Variants in GORASP2 observed in about 807,000 individuals in gnomAD.
The protein encoded by GORASP2 is golgi reassembly stacking protein 2, also known as Golgi reassembly-stacking protein 2.
In GORASP2, 22 loss-of-function variants were observed where a neutral mutation model predicts 45.7. The ratio of observed to expected loss-of-function variants is 0.48; its 90% confidence interval spans 0.34 to 0.69. GORASP2 has a LOEUF of 0.69. Ranked by LOEUF, GORASP2 falls within the 30% of genes least tolerant of loss-of-function variation. The probability of loss-of-function intolerance (pLI) is 0.01; values close to 1 mark genes in which losing one functional copy is unlikely to be tolerated. For synonymous variants in GORASP2, 221 were observed against 215.6 expected, an observed-to-expected ratio of 1.02 and a Z score of -0.22; for missense variants, 491 against 562.7, an observed-to-expected ratio of 0.87 and a Z score of 1.29.
intron 1 of GORASP2, among the ~76,000 whole-genome samples, chr2:170,934,055 A>G (rs1313220853): frequency 3.3e-5 from 5 of 151,984 alleles, no homozygotes; most frequent in Non-Finnish European, 7.4e-5. Flanking sequence ...ATTTTTTTCT[A>G]TTTTGTCAGA....
At chr2:170,929,459 G>T in intron 1 of GORASP2, 56 bp downstream of exon 1, 1 of 1,251,026 alleles carries the variant, frequency 8.0e-7, no homozygotes, top group Non-Finnish European at 1.0e-6. Flanking sequence ...GCCGGCCGCG[G>T]GGAGGCGGAG....
chr2:170,944,244 G>C (rs1704135558), intron 1 of GORASP2, among the ~76,000 whole-genome samples: 1 of 152,062 alleles, frequency 6.6e-6, no homozygotes, highest in Non-Finnish European at 1.5e-5. Flanking sequence ...GTCAGTGTTT[G>C]GTTTGCTATG....
chr2:170,929,896 C>G (rs1321038918), intron 1 of GORASP2: 2 of 403,766 alleles, frequency 5.0e-6, no homozygotes, highest in Admixed American at 5.8e-5. Flanking sequence ...GCCGAGTGGC[C>G]TGAAAGACCA....
At chr2:170,964,194 C>G (rs756264361) in intron 9 of GORASP2, among the ~76,000 whole-genome samples, 2 of 152,154 alleles carry the variant, frequency 1.3e-5, no homozygotes, top group Non-Finnish European at 2.9e-5. Flanking sequence ...TAGGTCATCT[C>G]AGTAGTTTTA....
intron 1 of GORASP2, among the ~76,000 whole-genome samples, chr2:170,930,990 A>C (rs1034684097): frequency 3.5e-5 from 5 of 142,796 alleles, no homozygotes; most frequent in Non-Finnish European, 1.5e-5. Flanking sequence ...AAAAAAAAAA[A>C]GTCGCGTGTT....
chr2:170,957,687 A>G (rs1253269068), intron 7 of GORASP2, among the ~76,000 whole-genome samples: 3 of 152,210 alleles, frequency 2.0e-5, no homozygotes, highest in South Asian at 2.1e-4. Context: ...TTACCATACA[A>G]TTCACCTGCT....
rs186592377 is a variant in GORASP2, at chr2:170,955,985, G to A, written c.700-451G>A. ...GAGAAAATATTAAATGCACTCATGA[G>A]GTTGGAAATCTTGAGAAGTCTATCA... is the stretch of plus-strand genomic sequence containing the variant. On this transcript the variant is annotated intron_variant, in intron 6 of 9. Transcript: ENST00000234160. 6.6e-5 allele frequency among the ~76,000 whole-genome samples: 10 copies of A among 152,346 alleles called. 1 individual carries two copies. Among genetic ancestry groups the A allele is most frequent in the Admixed American group, 5.2e-4 (8 of 15,304 alleles).
intron 4 of GORASP2, among the ~76,000 whole-genome samples, chr2:170,950,499 A>G (rs1423957670): frequency 3.9e-5 from 6 of 152,236 alleles, no homozygotes; most frequent in Non-Finnish European, 2.9e-5. Context: ...CTGTGCGGCA[A>G]TTGCACAGAT....
intron 1 of GORASP2, chr2:170,936,548 T>G (rs1703961134): frequency 1.2e-6 from 1 of 863,782 alleles, no homozygotes; most frequent in Non-Finnish European, 1.7e-6. Flanking sequence ...AGACTGTACA[T>G]TTCCCTGTTG....
rs767096825 is a variant in GORASP2 at position 170,962,982 on chromosome 2, T to C, written c.1018+36T>C. ...GATCTCACCCTCCTAGGACTCTCTC[T>C]AATAAAAGTTTTATTCAGGAATGCC... On this transcript the variant is annotated intron_variant, in intron 9 of 9. Coordinates refer to ENST00000234160, the MANE Select transcript of GORASP2 (RefSeq NM_015530.5). The C allele has an allele frequency of 3.6e-6, 5 of 1,383,906 alleles. No homozygotes were observed. In the Admixed American group the frequency reaches 8.4e-5, roughly 23 times the overall value. 85.7% of individuals were successfully genotyped at this position (1,383,906 alleles called of 1,614,324 possible).
At chr2:170,945,457 A>G (rs1028019036) in intron 1 of GORASP2, among the ~76,000 whole-genome samples, 3 of 146,510 alleles carry the variant, frequency 2.0e-5, no homozygotes, top group African/African-American at 2.5e-5. Flanking sequence ...CTATGGATGC[A>G]CCCCACTCCA....
intron 1 of GORASP2, among the ~76,000 whole-genome samples, chr2:170,943,784 C>T (rs1472588263): frequency 3.9e-5 from 6 of 152,116 alleles, no homozygotes; most frequent in East Asian, 1.9e-4. Context: ...GCAATCCTCC[C>T]GCCTTAGCTT....
At chr2:170,961,461 G>A (rs1165412605) in intron 7 of GORASP2, among the ~76,000 whole-genome samples, 2 of 152,200 alleles carry the variant, frequency 1.3e-5, no homozygotes, top group African/African-American at 4.8e-5. Context: ...ACAGGCTCTG[G>A]TAACAGCCTT....
chr2:170,966,125 CCTTAA>C lies in GORASP2; in HGVS notation c.1358_*3del. On this transcript the variant is annotated frameshift_variant and stop_lost, in exon 10 of 10. Transcript: ENST00000234160. LOFTEE classifies it high-confidence loss of function. Reference sequence around the variant, plus strand: ...TGTGGATGCCAATGCTTCTGAGTCACCTTAACTTTGAACCATTCTTTGGAATTGGC... The same window carrying C: ...TGTGGATGCCAATGCTTCTGAGTCACCTTTGAACCATTCTTTGGAATTGGC... 1 of 1,610,806 alleles carries C rather than the reference CCTTAA, an allele frequency of 6.2e-7. No homozygotes were observed. The highest frequency in any genetic ancestry group is 8.5e-7 in the Non-Finnish European group (1 of 1,176,976).
chr2:170,950,469 G>A (rs1704275065), intron 4 of GORASP2, among the ~76,000 whole-genome samples, 179 bp downstream of exon 4: 1 of 152,196 alleles, frequency 6.6e-6, no homozygotes, highest in South Asian at 2.1e-4. Context: ...ATTAGGTATA[G>A]CTGTGAGGAA....
At chr2:170,934,116 T>C (rs1703889101) in intron 1 of GORASP2, among the ~76,000 whole-genome samples, 1 of 152,212 alleles carries the variant, frequency 6.6e-6, no homozygotes, top group Non-Finnish European at 1.5e-5. Context: ...CTAACTAACC[T>C]ATCTGCAATC....
At chr2:170,958,903 C>G (rs979360258) in intron 7 of GORASP2, among the ~76,000 whole-genome samples, 1 of 152,130 alleles carries the variant, frequency 6.6e-6, no homozygotes, top group African/African-American at 2.4e-5. Flanking sequence ...CTCCTGACCT[C>G]AAGTGACCCG....
intron 7 of GORASP2, among the ~76,000 whole-genome samples, chr2:170,959,910 C>T (rs1704515631): frequency 6.6e-6 from 1 of 151,272 alleles, no homozygotes; most frequent in African/African-American, 2.4e-5. Context: ...TAACCTCCAC[C>T]TCCTGGGTTC....
At chr2:170,936,625 A>G (rs1430367294) in intron 1 of GORASP2, 2 of 1,298,554 alleles carry the variant, frequency 1.5e-6, no homozygotes, top group Non-Finnish European at 2.0e-6. Context: ...TCTTTTAAGC[A>G]TCAATGAGAG....
Sources: allele counts gnomAD v4.1 joint callset (sites outside exome capture counted in the v4.1 genomes callset), GRCh38; gene constraint gnomAD v4.1.1; transcripts MANE v1.5; gene names NCBI Gene and HGNC (gene_info 2026-07-23, HGNC 2026-07-21).